Variants in TGFBR3 observed in about 807,000 individuals in gnomAD.
TGFBR3 encodes the protein transforming growth factor beta receptor 3, also known as transforming growth factor beta receptor type 3.
TGFBR3 carries 46 observed loss-of-function variants against 87.9 expected under a neutral mutation model. The ratio of observed to expected loss-of-function variants is 0.52; its 90% confidence interval spans 0.41 to 0.67. TGFBR3 has a LOEUF of 0.67. Ranked by LOEUF, TGFBR3 falls within the 30% of genes least tolerant of loss-of-function variation. The probability of loss-of-function intolerance (pLI) is 0.00; values close to 1 mark genes in which losing one functional copy is unlikely to be tolerated. For synonymous variants in TGFBR3, 381 were observed against 391.6 expected (o/e 0.97, Z 0.32); for missense variants, 866 against 1,041.9 (o/e 0.83, Z 2.32).
rs769235100 is a variant in TGFBR3, at chr1:91,683,710, T to TGGGTTGGGCC, written c.*19_*28dup. 6.2e-6 allele frequency: 9 copies of TGGGTTGGGCC among 1,450,936 alleles called. No homozygotes were observed. The highest frequency in any genetic ancestry group is 2.0e-5 in the Admixed American group (1 of 48,834). The allele number at this position is 1,450,936 out of a possible 1,614,324, so 89.9% of individuals were successfully genotyped here. A position where few individuals can be genotyped will look rare whatever the true frequency, so the allele number is the denominator to read the frequency against. On this transcript the variant is annotated 3_prime_UTR_variant, in exon 17 of 17. Transcript: ENST00000212355. Reference sequence around the variant, plus strand: ...GTAGCTGAGCTGAGCTGGGCTGGGCTGGGTTGGGCCGGGTTGGGCTGGGTT... The same window carrying TGGGTTGGGCC: ...GTAGCTGAGCTGAGCTGGGCTGGGCTGGGTTGGGCCGGGTTGGGCCGGGTTGGGCTGGGTT...
At chr1:91,870,098 G>A (rs774854915) in intron 1 of TGFBR3, among the ~76,000 whole-genome samples, 13 of 152,234 alleles carry the variant, frequency 8.5e-5, no homozygotes, top group East Asian at 1.9e-4. Context: ...TATAACTTAC[G>A]TAAACAAAAA....
At chr1:91,702,993 C>T (rs1042510917) in intron 14 of TGFBR3, among the ~76,000 whole-genome samples, 51 of 151,910 alleles carry the variant, frequency 3.4e-4, no homozygotes, top group African/African-American at 1.1e-3. Context: ...TGCAGTGAGC[C>T]GAGATTGCGC....
At chr1:91,741,554 G>C (rs1291706118) in intron 4 of TGFBR3, among the ~76,000 whole-genome samples, 1 of 152,142 alleles carries the variant, frequency 6.6e-6, no homozygotes, top group Admixed American at 6.5e-5. Flanking sequence ...CCTTCAGAGG[G>C]GTGGGCTGAA....
chr1:91,851,178 G>A (rs1677715215), intron 2 of TGFBR3, among the ~76,000 whole-genome samples: 1 of 152,114 alleles, frequency 6.6e-6, no homozygotes, highest in Non-Finnish European at 1.5e-5. Context: ...GGGAGGGCAG[G>A]GGAATAGCTG....
intron 1 of TGFBR3, among the ~76,000 whole-genome samples, chr1:91,869,766 AG>A (rs1340372193): frequency 6.6e-6 from 1 of 152,256 alleles, no homozygotes; most frequent in African/African-American, 2.4e-5. Context: ...TCAAAGGAAA[AG>A]GAGGCAGGAG....
At chr1:91,685,302 G>A (rs998954273) in intron 16 of TGFBR3, among the ~76,000 whole-genome samples, 3 of 150,750 alleles carry the variant, frequency 2.0e-5, no homozygotes, top group East Asian at 1.9e-4. Context: ...CCTGAGAAGC[G>A]GAGAAGCACT....
At chr1:91,794,454 C>G (rs546068696) in intron 3 of TGFBR3, among the ~76,000 whole-genome samples, 4 of 152,284 alleles carry the variant, frequency 2.6e-5, no homozygotes, top group African/African-American at 9.6e-5. Context: ...CCACCTGCCT[C>G]GGCCTCCCAA....
chr1:91,782,283 G>A (rs1674800568), intron 3 of TGFBR3, among the ~76,000 whole-genome samples: 1 of 152,186 alleles, frequency 6.6e-6, no homozygotes, highest in African/African-American at 2.4e-5. Flanking sequence ...GAAGTCTTTT[G>A]GGGCCAGATG....
intron 3 of TGFBR3, among the ~76,000 whole-genome samples, chr1:91,788,229 C>T (rs1675046674): frequency 6.6e-6 from 1 of 152,158 alleles, no homozygotes; most frequent in South Asian, 2.1e-4. Context: ...GGCCTGGTTC[C>T]CCTAAGGTAT....
At chr1:91,700,081 G>A (rs114890409) in intron 14 of TGFBR3, among the ~76,000 whole-genome samples, 266 of 152,314 alleles carry the variant, frequency 1.7e-3, no homozygotes, top group African/African-American at 5.9e-3. Flanking sequence ...TTTACATACT[G>A]TCTATGGCTG....
chr1:91,860,171 C>G (rs1402954240), intron 2 of TGFBR3, among the ~76,000 whole-genome samples: 5 of 152,234 alleles, frequency 3.3e-5, no homozygotes, highest in Non-Finnish European at 5.9e-5. Context: ...CTCTCCATAT[C>G]TCATTTCATC....
intron 16 of TGFBR3, among the ~76,000 whole-genome samples, chr1:91,690,993 T>C (rs1360632784): frequency 1.3e-5 from 2 of 151,874 alleles, no homozygotes; most frequent in African/African-American, 4.8e-5. Flanking sequence ...GAACTTTTTT[T>C]AAAAGAAAAG....
chr1:91,759,356 TA>T (rs1416242231), intron 3 of TGFBR3, among the ~76,000 whole-genome samples: 1 of 73,934 alleles, frequency 1.4e-5, no homozygotes, highest in Non-Finnish European at 2.5e-5. Context: ...ACACACAGAA[TA>T]AAGAGTGATT....
At chr1:91,837,000 C>G (rs757682641) in intron 2 of TGFBR3, among the ~76,000 whole-genome samples, 1 of 152,106 alleles carries the variant, frequency 6.6e-6, no homozygotes, top group Admixed American at 6.6e-5. Flanking sequence ...ATACTACTGG[C>G]TTCCCCTCCC....
At chr1:91,756,180 C>G (rs1028736530) in intron 4 of TGFBR3, among the ~76,000 whole-genome samples, 1 of 152,190 alleles carries the variant, frequency 6.6e-6, no homozygotes, top group Non-Finnish European at 1.5e-5. Flanking sequence ...TACTAAGCAC[C>G]TGAAATGTGG....
chr1:91,819,456 A>C (rs1172219537), intron 2 of TGFBR3, among the ~76,000 whole-genome samples: 5 of 152,186 alleles, frequency 3.3e-5, no homozygotes, highest in Non-Finnish European at 5.9e-5. Flanking sequence ...CCACAGGCTA[A>C]AAATAACCCT....
At chr1:91,817,880 G>A (rs115911880) in intron 2 of TGFBR3, among the ~76,000 whole-genome samples, 332 of 138,916 alleles carry the variant, frequency 2.4e-3, no homozygotes, top group Middle Eastern at 3.8e-3. Context: ...ACTGATAACA[G>A]AAAAAAAAAA....
intron 2 of TGFBR3, among the ~76,000 whole-genome samples, chr1:91,854,250 C>T (rs1486508007): frequency 2.6e-5 from 4 of 152,066 alleles, no homozygotes; most frequent in African/African-American, 7.2e-5. Flanking sequence ...TAGAGGTGAC[C>T]CCCACTCACC....
chr1:91,696,020 T>A (rs1671425860), intron 15 of TGFBR3, among the ~76,000 whole-genome samples: 1 of 152,210 alleles, frequency 6.6e-6, no homozygotes, highest in Non-Finnish European at 1.5e-5. Context: ...ATCAACAAAC[T>A]AACTAAAAAA....
Sources: gnomAD v4.1 joint callset for allele counts (sites outside exome capture counted in the v4.1 genomes callset) on GRCh38, gnomAD v4.1.1 for gene constraint, MANE v1.5 for transcripts, NCBI Gene and HGNC (gene_info 2026-07-23, HGNC 2026-07-21) for gene names.